MROH9: variants seen among roughly 807,000 people sequenced by gnomAD.
The protein encoded by MROH9 is maestro heat-like repeat-containing protein family member 9.
Under a neutral mutation model 98.2 loss-of-function variants are expected in MROH9, and 92 were observed. That is an observed-to-expected ratio of 0.94 (90% CI 0.79 to 1.11). MROH9 has a LOEUF of 1.11. Among genes scored for constraint, MROH9 ranks in the 50% most tolerant of loss-of-function variants. MROH9 has a pLI of 0.00. For synonymous variants in MROH9, 397 were observed against 368.9 expected (o/e 1.08, Z -0.87); for missense variants, 1,057 against 1,014.8 (o/e 1.04, Z -0.57).
At chr1:171,059,308 T>C (rs966401739) in intron 20 of MROH9, among the ~76,000 whole-genome samples, 1 of 152,116 alleles carries the variant, frequency 6.6e-6, no homozygotes, top group African/African-American at 2.4e-5. Context: ...ACATCACTGA[T>C]TAGAGAAATG....
chr1:170,969,536 A>T (rs1200354007), intron 7 of MROH9, among the ~76,000 whole-genome samples: 5 of 152,216 alleles, frequency 3.3e-5, no homozygotes, highest in African/African-American at 4.8e-5. Flanking sequence ...AATGGAATTG[A>T]GATAGACAAT....
chr1:170,935,982 C>CAAAAAAAAAAAAAAAAA (rs59883013), intron 1 of MROH9, among the ~76,000 whole-genome samples: 3 of 62,264 alleles, frequency 4.8e-5, no homozygotes, highest in African/African-American at 1.0e-4. Context: ...CAGAGTGAGA[C>CAAAAAAAAAAAAAAAAA]AAAAAAAAAA....
chr1:171,021,910 A>C (rs1219228491), intron 17 of MROH9, among the ~76,000 whole-genome samples: 1 of 151,706 alleles, frequency 6.6e-6, no homozygotes, highest in Non-Finnish European at 1.5e-5. Flanking sequence ...AAGAAAAAAA[A>C]AAAATGACCC....
chr1:171,024,737 T>C lies in MROH9; in HGVS notation c.2150T>C (p.Met717Thr), dbSNP rs1469128541. Residue 717 changes from methionine (M) to threonine (T), a missense_variant, in exon 19 of 22, where the codon ATG becomes ACG. By Grantham distance (81) the Met-to-Thr change is moderately conservative. Transcript: ENST00000367759. ...LLKDENYSFE[M>T]VVLNICNNLI... ...AAAGATGAAAATTACAGTTTTGAGA[T>C]GGTGGTGCTCAATATCTGTAACAAT... 9.0e-6 allele frequency: 14 copies of C among 1,549,554 alleles called. No homozygotes were observed. Among genetic ancestry groups the C allele is most frequent in the East Asian group, 2.4e-5 (1 of 40,890 alleles).
At chr1:171,029,741 T>C (rs778033788) in intron 20 of MROH9, among the ~76,000 whole-genome samples, 6 of 152,224 alleles carry the variant, frequency 3.9e-5, no homozygotes, top group Non-Finnish European at 8.8e-5. Context: ...ATCAGAAATA[T>C]TGGCTTGGAG....
intron 20 of MROH9, among the ~76,000 whole-genome samples, chr1:171,056,474 A>AAT (rs1653840616): frequency 6.6e-6 from 1 of 152,162 alleles, no homozygotes; most frequent in African/African-American, 2.4e-5. Context: ...AGGCTCAGGG[A>AAT]CAGAACCCAG....
chr1:170,953,872 AG>A lies in MROH9; in HGVS notation c.73-4588del, dbSNP rs1557871559. On this transcript the variant is annotated intron_variant, in intron 3 of 21. Transcript: ENST00000367759. The stretch of plus-strand genomic sequence containing the variant: ...AAGAAAGAGAAAGAAAGAGAGAGAG[AG>A]AGAGAGAAAGAAAGAAAGAAAAAAA... Among the ~76,000 whole-genome samples the A allele has an allele frequency of 7.9e-5, 9 of 113,982 alleles. No homozygotes were observed. The Middle Eastern group carries it at 0.014, about 171-fold the overall frequency. 74.8% of individuals were successfully genotyped at this position (113,982 alleles called of 152,430 possible).
intron 20 of MROH9, among the ~76,000 whole-genome samples, chr1:171,053,621 GTAGA>G (rs1275697827): frequency 5.3e-5 from 8 of 152,174 alleles, no homozygotes; most frequent in Admixed American, 2.6e-4. Flanking sequence ...AAAACAAATA[GTAGA>G]TATAGAATGA....
In MROH9 at chr1:170,959,508, G is replaced by A. The variant is rs1649928774; in HGVS notation, c.199G>A (p.Glu67Lys). 1.2e-6 allele frequency: 2 copies of A among 1,613,374 alleles called. No individual in the cohort carries two copies. Among genetic ancestry groups the A allele is most frequent in the Admixed American group, 3.3e-5 (2 of 59,958 alleles). The part of the protein sequence containing the change: ...LQFESQLKII[E>K]SSFGMLVVMP... ...GTTTGAATCTCAGTTGAAGATAATA[G>A]AGTCATCCTTTGGAATGCTAGTTGT... The change falls in exon 5 of 22, where the codon GAG (glutamate) becomes AAG (lysine). Residue 67 changes from glutamate (E) to lysine (K), a missense_variant. Glu to Lys is a moderately conservative substitution (Grantham distance 56). Coordinates refer to ENST00000367759, the MANE Select transcript of MROH9 (RefSeq NM_001163629.2).
intron 1 of MROH9, among the ~76,000 whole-genome samples, chr1:170,941,042 C>CTGTT: frequency 1.3e-5 from 2 of 152,160 alleles, no homozygotes; most frequent in Non-Finnish European, 2.9e-5. Flanking sequence ...ATTGGGGACA[C>CTGTT]ACCGGACCCA....
chr1:170,948,648 G>A (rs951437723), intron 3 of MROH9, among the ~76,000 whole-genome samples: 7 of 151,996 alleles, frequency 4.6e-5, no homozygotes, highest in Non-Finnish European at 1.5e-5. Context: ...ATAGTCCAAT[G>A]GGAGAGATTT....
rs59253795 is a variant in MROH9, at chr1:171,018,360, C to CA, written c.1908+2036dup. ...AAACAGAAAGCAACAACAGCACCAA[C>CA]AAAAAAAAAAAAGTCCCCACAAAAA... On this transcript the variant is annotated intron_variant, in intron 17 of 21. Transcript: ENST00000367759. 3.3e-3 allele frequency among the ~76,000 whole-genome samples: 446 copies of CA among 136,656 alleles called. 6 individuals are homozygous for CA. The East Asian group carries it at 0.044, about 13-fold the overall frequency. The allele number at this position is 136,656 out of a possible 152,430, so 89.7% of individuals were successfully genotyped here.
chr1:171,034,580 A>T (rs1653035660), intron 20 of MROH9, among the ~76,000 whole-genome samples: 1 of 152,228 alleles, frequency 6.6e-6, no homozygotes, highest in African/African-American at 2.4e-5. Context: ...AATAATTATG[A>T]CAGTGCTATT....
chr1:170,937,235 C>T (rs1253779865), intron 1 of MROH9, among the ~76,000 whole-genome samples: 2 of 152,204 alleles, frequency 1.3e-5, no homozygotes, highest in Non-Finnish European at 2.9e-5. Context: ...ACTGAAAATG[C>T]ACTAAACCCT....
chr1:170,958,763 T>A (rs1249105490), intron 4 of MROH9, among the ~76,000 whole-genome samples: 1 of 152,196 alleles, frequency 6.6e-6, no homozygotes, highest in African/African-American at 2.4e-5. Flanking sequence ...TTGCCATCAG[T>A]TTGAAGATGC....
chr1:171,029,966 T>C (rs1014265893), intron 20 of MROH9, among the ~76,000 whole-genome samples: 1 of 152,218 alleles, frequency 6.6e-6, no homozygotes, highest in Non-Finnish European at 1.5e-5. Context: ...ACTGCCTCAA[T>C]TTCAGAACTT....
chr1:171,035,781 G>A (rs553031698), intron 20 of MROH9, among the ~76,000 whole-genome samples: 23 of 152,274 alleles, frequency 1.5e-4, no homozygotes, highest in Admixed American at 6.5e-4. Flanking sequence ...CTGTTGTCAA[G>A]GATATGGAGC....
chr1:171,015,992 A>G (rs991107330), intron 16 of MROH9, among the ~76,000 whole-genome samples, 171 bp from the exon 17 acceptor site: 57 of 152,294 alleles, frequency 3.7e-4, no homozygotes, highest in African/African-American at 1.3e-3. Context: ...AATTTTCAAT[A>G]ATTAATTTTC....
At chr1:171,043,521 T>C (rs1184117486) in intron 20 of MROH9, among the ~76,000 whole-genome samples, 1 of 152,028 alleles carries the variant, frequency 6.6e-6, no homozygotes, top group Non-Finnish European at 1.5e-5. Context: ...AAGAATGTCA[T>C]TGGTATTTAT....
Sources: gnomAD v4.1 joint callset for allele counts (sites outside exome capture counted in the v4.1 genomes callset) on GRCh38, gnomAD v4.1.1 for gene constraint, MANE v1.5 for transcripts, NCBI Gene and HGNC (gene_info 2026-07-23, HGNC 2026-07-21) for gene names.